RAB2A: variants seen among roughly 807,000 people sequenced by gnomAD.
The protein encoded by RAB2A is ras-related protein Rab-2A.
A neutral mutation model predicts 32.5 loss-of-function variants in RAB2A; 7 were observed. The ratio of observed to expected loss-of-function variants is 0.22; its 90% CI spans 0.12 to 0.40. RAB2A has a LOEUF of 0.40. RAB2A is among the 10% of genes least tolerant of loss of function. RAB2A has a pLI of 1.00. For missense variants in RAB2A, 108 were observed against 260.7 expected (o/e 0.41, Z 4.03); for synonymous variants, 79 against 85.2 (o/e 0.93, Z 0.40).
chr8:60,605,133 T>A (rs1804204051), intron 6 of RAB2A, among the ~76,000 whole-genome samples: 1 of 152,194 alleles, frequency 6.6e-6, no homozygotes, highest in Non-Finnish European at 1.5e-5. Flanking sequence ...TAGTTCCAGC[T>A]GTAGCTCAAA....
At position 60,535,842 on chromosome 8, in the gene RAB2A, G is replaced by C. The variant is rs190680599; in HGVS notation, c.46+18589G>C. ...CATGTATTGTCTCTTGATGGTCCTT[G>C]ATATTGCAGCACTTTTTCAAGATTC... On this transcript the variant is annotated intron_variant, in intron 1 of 7. Coordinates refer to ENST00000262646, the MANE Select transcript of RAB2A (RefSeq NM_002865.3). 7.9e-5 allele frequency among the ~76,000 whole-genome samples: 12 copies of C among 152,246 alleles called. No individual in the cohort carries two copies. In the East Asian group the frequency reaches 1.3e-3, roughly 17 times the overall value.
At chr8:60,574,197 A>G (rs572025130) in intron 3 of RAB2A, among the ~76,000 whole-genome samples, 72 of 152,120 alleles carry the variant, frequency 4.7e-4, no homozygotes, top group African/African-American at 1.7e-3. Flanking sequence ...TTTGACCCCC[A>G]TCGGAATAAC....
Position 60,524,515 on chromosome 8 carries a change from C to T in RAB2A, c.46+7262C>T, listed in dbSNP as rs185133917. Among the ~76,000 whole-genome samples the T allele has an allele frequency of 2.4e-4, 37 of 152,244 alleles. No individual in the cohort carries two copies. The East Asian group carries it at 5.8e-3, about 24-fold the overall frequency. On this transcript the variant is annotated intron_variant, in intron 1 of 7. Coordinates refer to ENST00000262646, the MANE Select transcript of RAB2A (RefSeq NM_002865.3). ...AACTGTCCCATTTGATTTCATTAGC[C>T]TTGATTATTTGCAAGTTTTAAAATA...
At chr8:60,550,701 A>G (rs1264535525) in intron 1 of RAB2A, among the ~76,000 whole-genome samples, 2 of 151,904 alleles carry the variant, frequency 1.3e-5, no homozygotes, top group African/African-American at 2.4e-5. Flanking sequence ...TTCTACTCTC[A>G]TCTGCTTCTA....
chr8:60,562,783 G>A lies in RAB2A; in HGVS notation c.118+3860G>A, dbSNP rs569139126. Among the ~76,000 whole-genome samples, 118 of 152,102 alleles carry A rather than the reference G, an allele frequency of 7.8e-4. 1 individual carries two copies. Among genetic ancestry groups the A allele is most frequent in the Non-Finnish European group, 1.5e-3 (102 of 67,972 alleles). On this transcript the variant is annotated intron_variant, in intron 2 of 7. Coordinates refer to ENST00000262646, the MANE Select transcript of RAB2A (RefSeq NM_002865.3). The stretch of plus-strand genomic sequence containing the variant: ...AAAACCATTTTTTAAAGTGAAAGCC[G>A]ACCCAGTTGCTCTTCCTCTGGAAGA...
intron 6 of RAB2A, among the ~76,000 whole-genome samples, chr8:60,608,665 A>C (rs1202724622): frequency 7.9e-6 from 1 of 127,150 alleles, no homozygotes; most frequent in Non-Finnish European, 1.6e-5. Flanking sequence ...TCTTTGTTCC[A>C]CTTTGAGATA....
Position 60,584,822 on chromosome 8 carries a change from A to G in RAB2A, c.362+7A>G, listed in dbSNP as rs781125280. 8.8e-6 allele frequency: 14 copies of G among 1,594,304 alleles called. No homozygotes were observed. Among genetic ancestry groups the G allele is most frequent in the Non-Finnish European group, 1.1e-5 (13 of 1,162,690 alleles). On this transcript the variant is annotated splice_region_variant and intron_variant, in intron 5 of 7. Coordinates refer to ENST00000262646, the MANE Select transcript of RAB2A (RefSeq NM_002865.3). ...TGCTTATTGGAAATAAAAGGTAAAAAGGCTAATTTAGAGCTTACATTGCAT... is the reference window on the plus strand; with the variant it reads ...TGCTTATTGGAAATAAAAGGTAAAAGGGCTAATTTAGAGCTTACATTGCAT...
At chr8:60,560,469 T>C (rs1376032536) in intron 2 of RAB2A, among the ~76,000 whole-genome samples, 1 of 152,220 alleles carries the variant, frequency 6.6e-6, no homozygotes, top group Non-Finnish European at 1.5e-5. Context: ...ACTTTAGGCA[T>C]GACTCATTTC....
intron 4 of RAB2A, among the ~76,000 whole-genome samples, 177 bp downstream of exon 4, chr8:60,584,467 T>G (rs1803816536): frequency 6.6e-6 from 1 of 152,254 alleles, no homozygotes; most frequent in Non-Finnish European, 1.5e-5. Context: ...ATTGTTTTTC[T>G]TATTTGAATT....
chr8:60,614,665 TTACGGTTGTTTCAACTG>T (rs1440528109), intron 6 of RAB2A, among the ~76,000 whole-genome samples: 3 of 152,198 alleles, frequency 2.0e-5, no homozygotes, highest in Non-Finnish European at 2.9e-5. Flanking sequence ...TCTTTTGTGG[TTACGGTTGTTTCAACTG>T]TGCAATCGAA....
intron 2 of RAB2A, among the ~76,000 whole-genome samples, chr8:60,563,854 A>G (rs1808063798): frequency 6.6e-6 from 1 of 152,130 alleles, no homozygotes; most frequent in Non-Finnish European, 1.5e-5. Context: ...CAACTTTAAT[A>G]GCTGTGCCCT....
chr8:60,570,072 C>CT (rs1162273457), intron 2 of RAB2A: 5 of 455,396 alleles, frequency 1.1e-5, no homozygotes, highest in Non-Finnish European at 2.2e-5. Flanking sequence ...GTTTCCGTAT[C>CT]TTTAGCCCTC....
At chr8:60,541,814 C>T (rs1194060454) in intron 1 of RAB2A, among the ~76,000 whole-genome samples, 5 of 152,134 alleles carry the variant, frequency 3.3e-5, no homozygotes, top group Admixed American at 2.0e-4. Context: ...GTGGTTGAAA[C>T]ACAGGTCTAG....
intron 6 of RAB2A, among the ~76,000 whole-genome samples, chr8:60,606,822 C>T (rs1244596011): frequency 6.6e-6 from 1 of 152,232 alleles, no homozygotes; most frequent in African/African-American, 2.4e-5. Flanking sequence ...TGTCCTGAGG[C>T]AACACAGGTG....
At chr8:60,614,317 G>T (rs1804412604) in intron 6 of RAB2A, among the ~76,000 whole-genome samples, 1 of 151,848 alleles carries the variant, frequency 6.6e-6, no homozygotes, top group African/African-American at 2.4e-5. Flanking sequence ...CCAACTAAAT[G>T]ATTTTATTCC....
At chr8:60,533,962 CAAAAA>C (rs1239836676) in intron 1 of RAB2A, among the ~76,000 whole-genome samples, 1 of 151,848 alleles carries the variant, frequency 6.6e-6, no homozygotes, top group Non-Finnish European at 1.5e-5. Flanking sequence ...GACTCTGTCT[CAAAAA>C]CAAAACAAAA....
intron 2 of RAB2A, among the ~76,000 whole-genome samples, chr8:60,564,144 A>G (rs775397045): frequency 3.9e-5 from 6 of 152,148 alleles, no homozygotes; most frequent in Non-Finnish European, 8.8e-5. Flanking sequence ...TTGCTCTTTA[A>G]GCAGACATCT....
Position 60,574,069 on chromosome 8 carries a change from A to G in RAB2A, c.186+1956A>G, listed in dbSNP as rs1032437958. On this transcript the variant is annotated intron_variant, in intron 3 of 7. Coordinates refer to ENST00000262646, the MANE Select transcript of RAB2A (RefSeq NM_002865.3). ...TGAACCAGACTACTGTTATTCTTCAATAAACATATTTTTCATTCCTTATAC... is the reference window on the plus strand; with the variant it reads ...TGAACCAGACTACTGTTATTCTTCAGTAAACATATTTTTCATTCCTTATAC... 3.9e-5 allele frequency among the ~76,000 whole-genome samples: 6 copies of G among 152,370 alleles called. No homozygotes were observed. In the South Asian group the frequency reaches 1.0e-3, roughly 26 times the overall value.
intron 1 of RAB2A, among the ~76,000 whole-genome samples, chr8:60,522,378 A>G (rs1807314571): frequency 2.0e-5 from 3 of 151,500 alleles, no homozygotes; most frequent in Admixed American, 6.6e-5. Context: ...ATATATGTGT[A>G]AATAAAAAAA....
Sources: gnomAD v4.1 joint callset for allele counts (sites outside exome capture counted in the v4.1 genomes callset) on GRCh38, gnomAD v4.1.1 for gene constraint, MANE v1.5 for transcripts, NCBI Gene and HGNC (gene_info 2026-07-23, HGNC 2026-07-21) for gene names.